PPP1CB: variants seen among roughly 807,000 people sequenced by gnomAD.
PPP1CB encodes the protein protein phosphatase 1 catalytic subunit beta.
In PPP1CB, 2 loss-of-function variants were observed where a neutral mutation model predicts 43.7. The ratio of observed to expected loss-of-function variants is 0.05; its 90% CI spans 0.02 to 0.14. The LOEUF (loss-of-function observed/expected upper bound fraction) is 0.14, where lower values mean the gene tolerates loss of function less well. PPP1CB is among the 10% of genes least tolerant of loss of function. PPP1CB has a pLI of 1.00. For missense variants in PPP1CB, 84 were observed against 398.0 expected (o/e 0.21, Z 6.71); for synonymous variants, 136 against 135.6 (o/e 1.00, Z -0.02).
At chr2:28,784,445 G>A (rs1229244551) in intron 5 of PPP1CB, among the ~76,000 whole-genome samples, 2 of 151,922 alleles carry the variant, frequency 1.3e-5, no homozygotes, top group African/African-American at 2.4e-5. Flanking sequence ...TTTCAAGGGG[G>A]TGTGGGAGGG....
rs1667443815 is a variant in PPP1CB, at chr2:28,794,015, A to G, written c.879+18A>G. The stretch of plus-strand genomic sequence containing the variant: ...CATTTCAGGTATGATGTAAACATAA[A>G]TATATAAGAACTAGAAATCTAATAA... On this transcript the variant is annotated intron_variant, in intron 7 of 7. Transcript: ENST00000395366. 6.4e-7 allele frequency: 1 copy of G among 1,573,480 alleles called. No homozygotes were observed. Among genetic ancestry groups the G allele is most frequent in the African/African-American group, 1.4e-5 (1 of 73,518 alleles).
chr2:28,758,648 G>A (rs775358281), intron 1 of PPP1CB, among the ~76,000 whole-genome samples: 1 of 152,216 alleles, frequency 6.6e-6, no homozygotes, highest in Non-Finnish European at 1.5e-5. Context: ...GTCTAGATGG[G>A]TACTTGTCAT....
intron 4 of PPP1CB, among the ~76,000 whole-genome samples, chr2:28,782,268 T>TAATAA (rs565961806): frequency 6.6e-6 from 1 of 152,130 alleles, no homozygotes; most frequent in Admixed American, 6.5e-5. Context: ...AACAATAAAA[T>TAATAA]AATAAAATAA....
At chr2:28,765,339 C>T (rs1376412454) in intron 1 of PPP1CB, among the ~76,000 whole-genome samples, 1 of 152,168 alleles carries the variant, frequency 6.6e-6, no homozygotes, top group East Asian at 1.9e-4. Context: ...TCTTTTTACA[C>T]AGGGACATAC....
At chr2:28,757,703 G>C (rs1336036957) in intron 1 of PPP1CB, among the ~76,000 whole-genome samples, 1 of 152,098 alleles carries the variant, frequency 6.6e-6, no homozygotes, top group Non-Finnish European at 1.5e-5. Context: ...TAAGGTCGTG[G>C]CATATTTTTT....
chr2:28,801,374 T>C lies in PPP1CB; in HGVS notation c.*2071T>C, dbSNP rs1667612284. ...TAAACCACATTAATCTGTATCCCATTGTCTGGCTTTTGTAAATTCATCCAG... is the reference window on the plus strand; with the variant it reads ...TAAACCACATTAATCTGTATCCCATCGTCTGGCTTTTGTAAATTCATCCAG... On this transcript the variant is annotated 3_prime_UTR_variant, in exon 8 of 8. Coordinates refer to ENST00000395366, the MANE Select transcript of PPP1CB (RefSeq NM_002709.3). 1.3e-5 allele frequency: 2 copies of C among 152,072 alleles called. No individual in the cohort carries two copies. Among genetic ancestry groups the C allele is most frequent in the African/African-American group, 4.8e-5 (2 of 41,428 alleles). The allele number at this position is 152,072 out of a possible 1,614,324, so 9.4% of individuals were successfully genotyped here. A position where few individuals can be genotyped will look rare whatever the true frequency, so the allele number is the denominator to read the frequency against.
intron 1 of PPP1CB, among the ~76,000 whole-genome samples, chr2:28,771,539 A>G (rs1369081052): frequency 6.6e-6 from 1 of 152,158 alleles, no homozygotes; most frequent in Non-Finnish European, 1.5e-5. Context: ...AAATAGACAA[A>G]TGGGGTAATG....
chr2:28,755,207 C>G (rs925870084), intron 1 of PPP1CB, among the ~76,000 whole-genome samples: 1 of 152,016 alleles, frequency 6.6e-6, no homozygotes, highest in East Asian at 1.9e-4. Flanking sequence ...CCACCACGCC[C>G]CGGCTAATTT....
intron 1 of PPP1CB, among the ~76,000 whole-genome samples, chr2:28,773,668 TC>T (rs1163785842): frequency 1.2e-5 from 1 of 80,722 alleles, no homozygotes; most frequent in African/African-American, 3.9e-5. Context: ...GATGATTTCT[TC>T]CTTTTTTTCA....
At chr2:28,780,182 G>A (rs969791008) in intron 3 of PPP1CB, among the ~76,000 whole-genome samples, 1 of 143,374 alleles carries the variant, frequency 7.0e-6, no homozygotes, top group African/African-American at 2.5e-5. Context: ...TCCGCCTCCC[G>A]GGTTCAAGCG....
At chr2:28,769,064 A>G (rs895127882) in intron 1 of PPP1CB, among the ~76,000 whole-genome samples, 1 of 152,256 alleles carries the variant, frequency 6.6e-6, no homozygotes, top group Non-Finnish European at 1.5e-5. Context: ...CATAGCTGCT[A>G]GAAATCCAAG....
At chr2:28,764,724 G>A (rs748444121) in intron 1 of PPP1CB, among the ~76,000 whole-genome samples, 1 of 151,386 alleles carries the variant, frequency 6.6e-6, no homozygotes, top group Non-Finnish European at 1.5e-5. Flanking sequence ...TCAGGAGTTC[G>A]AGCCTGGGCA....
rs945131593 is a variant in PPP1CB at position 28,794,263 on chromosome 2, A to G, written c.879+266A>G. The stretch of plus-strand genomic sequence containing the variant: ...ATGTTTTAATTGTTAAAATTCCTCT[A>G]TGACCTTTTGAATAGTGGCTTACTA... On this transcript the variant is annotated intron_variant, in intron 7 of 7. Coordinates refer to ENST00000395366, the MANE Select transcript of PPP1CB (RefSeq NM_002709.3). 9.2e-5 allele frequency among the ~76,000 whole-genome samples: 14 copies of G among 152,226 alleles called. No homozygotes were observed. The South Asian group carries it at 1.9e-3, about 20-fold the overall frequency.
At chr2:28,769,998 G>A (rs960370895) in intron 1 of PPP1CB, among the ~76,000 whole-genome samples, 4 of 152,132 alleles carry the variant, frequency 2.6e-5, no homozygotes, top group East Asian at 1.9e-4. Context: ...GCTGGGCACC[G>A]TGGCTCACAC....
intron 1 of PPP1CB, among the ~76,000 whole-genome samples, chr2:28,759,827 C>T (rs1389225343): frequency 3.3e-5 from 5 of 152,060 alleles, no homozygotes; most frequent in Non-Finnish European, 7.4e-5. Context: ...CCGTGTTAGC[C>T]AGGATGGTAT....
At chr2:28,791,280 G>C (rs890845301) in intron 6 of PPP1CB, among the ~76,000 whole-genome samples, 1 of 151,908 alleles carries the variant, frequency 6.6e-6, no homozygotes, top group Non-Finnish European at 1.5e-5. Context: ...CCATTGAAAT[G>C]AGGTCATGTT....
At position 28,799,366 on chromosome 2, in the gene PPP1CB, G is replaced by A; in HGVS notation, c.*63G>A. On this transcript the variant is annotated 3_prime_UTR_variant, in exon 8 of 8. Transcript: ENST00000395366. ...AGGACATACTTCATAATATATAAGT[G>A]TGCACTGTAAAACCATCCAGCCATT... is the stretch of plus-strand genomic sequence containing the variant. 7.5e-7 allele frequency: 1 copy of A among 1,337,046 alleles called. No homozygotes were observed. Among genetic ancestry groups the A allele is most frequent in the South Asian group, 1.2e-5 (1 of 82,688 alleles). The allele number at this position is 1,337,046 out of a possible 1,614,324, so 82.8% of individuals were successfully genotyped here.
At chr2:28,770,965 A>G (rs1033653747) in intron 1 of PPP1CB, among the ~76,000 whole-genome samples, 25 of 151,242 alleles carry the variant, frequency 1.7e-4, no homozygotes, top group African/African-American at 6.1e-4. Flanking sequence ...AAGGAGAGAT[A>G]CCATATTTGT....
At chr2:28,793,213 AAAAAAT>A (rs910185068) in intron 6 of PPP1CB, among the ~76,000 whole-genome samples, 22 of 152,312 alleles carry the variant, frequency 1.4e-4, no homozygotes, top group African/African-American at 3.8e-4. Flanking sequence ...CTCAAAAAAT[AAAAAAT>A]AAAAATAAAA....
Sources: gnomAD v4.1 joint callset for allele counts (sites outside exome capture counted in the v4.1 genomes callset) on GRCh38, gnomAD v4.1.1 for gene constraint, MANE v1.5 for transcripts, NCBI Gene and HGNC (gene_info 2026-07-23, HGNC 2026-07-21) for gene names.